Variants in PDLIM5 observed in about 807,000 individuals in gnomAD.
PDLIM5 encodes the protein PDZ and LIM domain 5, also known as PDZ and LIM domain protein 5.
Under a neutral mutation model 64.2 loss-of-function variants are expected in PDLIM5, and 34 were observed. That is an observed-to-expected ratio of 0.53 (90% CI 0.40 to 0.71). The LOEUF (loss-of-function observed/expected upper bound fraction) is 0.71, where lower values mean the gene tolerates loss of function less well. Ranked by LOEUF, PDLIM5 falls within the 30% of genes least tolerant of loss-of-function variation. PDLIM5 has a pLI of 0.00. For synonymous variants in PDLIM5, 253 were observed against 269.1 expected, an observed-to-expected ratio of 0.94 and a Z score of 0.59; for missense variants, 683 against 733.6, an observed-to-expected ratio of 0.93 and a Z score of 0.80.
chr4:94,537,685 A>G (rs915908945), intron 3 of PDLIM5, among the ~76,000 whole-genome samples: 2 of 152,154 alleles, frequency 1.3e-5, no homozygotes, highest in African/African-American at 4.8e-5. Context: ...CTGAGGTAGG[A>G]ACTTTATGTT....
chr4:94,521,899 CT>C lies in PDLIM5; in HGVS notation c.97-1823del, dbSNP rs1414005038. Among the ~76,000 whole-genome samples the C allele has an allele frequency of 2.0e-5, 3 of 152,108 alleles. No homozygotes were observed. The East Asian group carries it at 5.8e-4, about 29-fold the overall frequency. On this transcript the variant is annotated intron_variant, in intron 2 of 12. Coordinates refer to ENST00000317968, the MANE Select transcript of PDLIM5 (RefSeq NM_006457.5). ...TTTGCTAAAATAAAATCTAGGATGA[CT>C]TATGTTTACTTTCTCTCATTACAAA...
intron 2 of PDLIM5, chr4:94,457,150 G>A (rs1035029042): frequency 2.1e-5 from 20 of 956,914 alleles, no homozygotes; most frequent in Admixed American, 1.2e-4. Flanking sequence ...AGTTTGTAAC[G>A]CCTAAATATC....
chr4:94,597,750 A>G, intron 7 of PDLIM5, among the ~76,000 whole-genome samples: 1 of 152,164 alleles, frequency 6.6e-6, no homozygotes, highest in East Asian at 1.9e-4. Context: ...GAAGAGTGGT[A>G]AAAGGAAAAT....
chr4:94,507,746 G>A (rs1435413723), intron 2 of PDLIM5, among the ~76,000 whole-genome samples: 1 of 152,186 alleles, frequency 6.6e-6, no homozygotes, highest in South Asian at 2.1e-4. Context: ...AATGGCTTTA[G>A]CCTTATCCTT....
intron 3 of PDLIM5, among the ~76,000 whole-genome samples, chr4:94,557,259 G>A (rs1391457045): frequency 3.3e-5 from 5 of 152,022 alleles, no homozygotes; most frequent in African/African-American, 1.2e-4. Context: ...TGTTCCATTG[G>A]TCTATATCTC....
chr4:94,545,111 A>G (rs1244702809), intron 3 of PDLIM5, among the ~76,000 whole-genome samples: 1 of 152,210 alleles, frequency 6.6e-6, no homozygotes, highest in African/African-American at 2.4e-5. Flanking sequence ...TTTTGTAGTT[A>G]GTTTACTTTA....
At chr4:94,530,103 C>T (rs1730731360) in intron 3 of PDLIM5, among the ~76,000 whole-genome samples, 1 of 152,132 alleles carries the variant, frequency 6.6e-6, no homozygotes. Flanking sequence ...AAACTTGTTA[C>T]ATGCTTATTG....
chr4:94,579,527 C>G (rs758510841), intron 5 of PDLIM5: 1 of 1,370,694 alleles, frequency 7.3e-7, no homozygotes, highest in East Asian at 2.5e-5. Flanking sequence ...GCAGAAAACA[C>G]AAGTGACAAA....
At chr4:94,616,117 C>G (rs1312956271) in intron 7 of PDLIM5, among the ~76,000 whole-genome samples, 1 of 152,058 alleles carries the variant, frequency 6.6e-6, no homozygotes, top group East Asian at 1.9e-4. Context: ...TTTGTTTCAT[C>G]TATAATTCCT....
chr4:94,459,935 T>G (rs1723725931), intron 2 of PDLIM5, among the ~76,000 whole-genome samples: 1 of 152,212 alleles, frequency 6.6e-6, no homozygotes, highest in African/African-American at 2.4e-5. Flanking sequence ...ACCTGCCAGC[T>G]GCAGTTTCCC....
At chr4:94,520,746 G>T (rs750112803) in intron 2 of PDLIM5, among the ~76,000 whole-genome samples, 1 of 152,188 alleles carries the variant, frequency 6.6e-6, no homozygotes, top group Non-Finnish European at 1.5e-5. Context: ...TACATCTTAT[G>T]AGTAGGAAGC....
rs1163805874 is a variant in PDLIM5, at chr4:94,578,916, A to C, written c.710+2882A>C. Among the ~76,000 whole-genome samples the C allele has an allele frequency of 2.0e-5, 3 of 152,194 alleles. No individual in the cohort carries two copies. In the South Asian group the frequency reaches 6.2e-4, roughly 32 times the overall value. On this transcript the variant is annotated intron_variant, in intron 5 of 12. Coordinates refer to ENST00000317968, the MANE Select transcript of PDLIM5 (RefSeq NM_006457.5). The stretch of plus-strand genomic sequence containing the variant: ...ATGCTTAGGTTGTCTTTTTCCTGAA[A>C]GCACCAGGAGGACTATTAGTTTTTA...
intron 8 of PDLIM5, among the ~76,000 whole-genome samples, chr4:94,625,812 C>T (rs1739650817): frequency 6.6e-6 from 1 of 152,112 alleles, no homozygotes; most frequent in Admixed American, 6.6e-5. Context: ...TTTCTCTATG[C>T]TCTTGTTGAG....
intron 11 of PDLIM5, among the ~76,000 whole-genome samples, chr4:94,659,731 T>C (rs1337350860): frequency 6.6e-6 from 1 of 151,830 alleles, no homozygotes; most frequent in Non-Finnish European, 1.5e-5. Context: ...GGTTTCACCA[T>C]GTTAGCCAGG....
chr4:94,566,680 A>G lies in PDLIM5; in HGVS notation c.249-6671A>G. On this transcript the variant is annotated intron_variant, in intron 3 of 12. Coordinates refer to ENST00000317968, the MANE Select transcript of PDLIM5 (RefSeq NM_006457.5). ...GTTCTATTCCTCAAAGAATTCCTGT[A>G]TCAACAAAGAGCTTCGTAAGAGAAG... Among the ~76,000 whole-genome samples the G allele has an allele frequency of 1.3e-5, 2 of 152,220 alleles. 1 individual carries two copies. Among genetic ancestry groups the G allele is most frequent in the East Asian group, 3.8e-4 (2 of 5,198 alleles).
At chr4:94,467,570 C>T (rs1435848474) in intron 2 of PDLIM5, among the ~76,000 whole-genome samples, 1 of 152,126 alleles carries the variant, frequency 6.6e-6, no homozygotes, top group Non-Finnish European at 1.5e-5. Context: ...CCTCAGCCTC[C>T]CAAAGTGCTG....
chr4:94,582,025 A>T (rs1396898337), intron 5 of PDLIM5, among the ~76,000 whole-genome samples: 1 of 152,212 alleles, frequency 6.6e-6, no homozygotes, highest in African/African-American at 2.4e-5. Context: ...AATGAGGGAC[A>T]GGAGAGAGTA....
At chr4:94,563,809 G>A (rs1156311245) in intron 3 of PDLIM5, among the ~76,000 whole-genome samples, 1 of 151,956 alleles carries the variant, frequency 6.6e-6, no homozygotes, top group East Asian at 1.9e-4. Flanking sequence ...TTTAAGATTT[G>A]GGGCAGTTTT....
chr4:94,605,213 G>A (rs150930323), intron 7 of PDLIM5, among the ~76,000 whole-genome samples: 11 of 152,240 alleles, frequency 7.2e-5, no homozygotes, highest in South Asian at 6.2e-4. Flanking sequence ...GCAGTTGTCC[G>A]GACTAGGGGA....
Sources: allele counts gnomAD v4.1 joint callset (sites outside exome capture counted in the v4.1 genomes callset), GRCh38; gene constraint gnomAD v4.1.1; transcripts MANE v1.5; gene names NCBI Gene and HGNC (gene_info 2026-07-23, HGNC 2026-07-21).